SPAG17: variants seen among roughly 807,000 people sequenced by gnomAD.
SPAG17 encodes sperm-associated antigen 17.
A neutral mutation model predicts 273.6 loss-of-function variants in SPAG17; 169 were observed. The observed-to-expected ratio is 0.62, with a 90% confidence interval of 0.55 to 0.70. The LOEUF is 0.70. Among genes scored for constraint, SPAG17 ranks in the 30% least tolerant of loss-of-function variants. The pLI, the probability that SPAG17 is intolerant of heterozygous loss-of-function variation, is 0.00. For synonymous variants in SPAG17, 825 were observed against 873.2 expected, an observed-to-expected ratio of 0.94 and a Z score of 0.97; for missense variants, 2,557 against 2,627.8, an observed-to-expected ratio of 0.97 and a Z score of 0.59.
intron 25 of SPAG17, among the ~76,000 whole-genome samples, chr1:118,030,739 G>C (rs1041421146): frequency 2.0e-5 from 3 of 152,088 alleles, no homozygotes; most frequent in African/African-American, 4.8e-5. Flanking sequence ...ATGGTTTCCA[G>C]CTTCATCCAT....
Position 117,953,937 on chromosome 1 carries a change from C to A in SPAG17, c.*113G>T. ...TCATTTGGCAAATTTCTGGTCAGTT[C>A]TTCCAGTTTCAGTGTCCTGGGATGA... On this transcript the variant is annotated 3_prime_UTR_variant, in exon 49 of 49. Transcript: ENST00000336338. 1 of 1,339,584 alleles carries A rather than the reference C, an allele frequency of 7.5e-7. No individual in the cohort carries two copies. Among genetic ancestry groups the A allele is most frequent in the Admixed American group, 2.2e-5 (1 of 44,820 alleles). 83.0% of individuals were successfully genotyped at this position (1,339,584 alleles called of 1,614,324 possible).
At chr1:118,118,239 A>C (rs1657205985) in intron 3 of SPAG17, among the ~76,000 whole-genome samples, 1 of 152,220 alleles carries the variant, frequency 6.6e-6, no homozygotes, top group African/African-American at 2.4e-5. Flanking sequence ...AATTAAAAGA[A>C]TAAATCTCCA....
At chr1:118,162,402 A>T (rs912597991) in intron 1 of SPAG17, among the ~76,000 whole-genome samples, 1 of 152,212 alleles carries the variant, frequency 6.6e-6, no homozygotes, top group Non-Finnish European at 1.5e-5. Context: ...TACTTAGAGC[A>T]GAAAGTCCTT....
chr1:117,959,216 A>G (rs2101324764), intron 48 of SPAG17: 2 of 1,512,854 alleles, frequency 1.3e-6, no homozygotes, highest in Non-Finnish European at 8.9e-7. Flanking sequence ...AGCTTTGGTT[A>G]CCCTAACTCT....
At chr1:117,959,330 CAA>C in intron 48 of SPAG17, 3 of 1,613,690 alleles carry the variant, frequency 1.9e-6, no homozygotes, top group Non-Finnish European at 2.5e-6. Flanking sequence ...TTGATTATCT[CAA>C]GAGGGAATGC....
At chr1:117,992,722 T>A in intron 35 of SPAG17, 74 bp from the exon 36 acceptor site, 1 of 1,278,842 alleles carries the variant, frequency 7.8e-7, no homozygotes, top group Non-Finnish European at 1.0e-6. Context: ...TTTTAACTGT[T>A]CATTTATTAC....
chr1:118,148,315 A>G (rs911346444), intron 3 of SPAG17, among the ~76,000 whole-genome samples: 3 of 152,206 alleles, frequency 2.0e-5, no homozygotes, highest in African/African-American at 7.2e-5. Flanking sequence ...AAGTTGGTGC[A>G]GATCCAAACA....
In SPAG17 at chr1:118,048,778, T is replaced by A. The variant is rs557006626; in HGVS notation, c.2814+5224A>T. Among the ~76,000 whole-genome samples the A allele has an allele frequency of 8.2e-4, 124 of 151,902 alleles. 4 individuals carry two copies. In the South Asian group the frequency reaches 0.025, roughly 30 times the overall value. ...AGGCATGGTGGTGTATGCCTGTAGT[T>A]CCAGCTACTCGGGAGGCTGAGGCAC... On this transcript the variant is annotated intron_variant, in intron 20 of 48. Coordinates refer to ENST00000336338, the MANE Select transcript of SPAG17 (RefSeq NM_206996.4).
intron 3 of SPAG17, among the ~76,000 whole-genome samples, chr1:118,133,806 C>A (rs957267976): frequency 6.6e-6 from 1 of 152,138 alleles, no homozygotes; most frequent in Non-Finnish European, 1.5e-5. Flanking sequence ...CACCTAATAT[C>A]TGTTGTGAAA....
intron 45 of SPAG17, 92 bp from the exon 46 acceptor site, chr1:117,970,208 A>C: frequency 7.8e-7 from 1 of 1,282,182 alleles, no homozygotes; most frequent in South Asian, 1.4e-5. Context: ...GGAAGGTGTT[A>C]ATATTTGCTA....
At chr1:117,997,566 TA>T (rs11428560) in intron 32 of SPAG17, among the ~76,000 whole-genome samples, 10,133 of 123,288 alleles carry the variant, frequency 0.082, 623 homozygotes, top group East Asian at 0.42. Context: ...GAATGAGAAG[TA>T]AAAAAAAAAA....
chr1:118,148,330 G>C (rs1421913430), intron 3 of SPAG17, among the ~76,000 whole-genome samples: 2 of 152,134 alleles, frequency 1.3e-5, no homozygotes, highest in African/African-American at 2.4e-5. Context: ...CAAACACTGA[G>C]CAACAGCAAG....
chr1:118,043,184 T>G (rs1047635333), intron 20 of SPAG17, among the ~76,000 whole-genome samples: 1 of 152,180 alleles, frequency 6.6e-6, no homozygotes, highest in Admixed American at 6.5e-5. Flanking sequence ...AAAGTGAGTT[T>G]GAAAGACTTC....
intron 30 of SPAG17, among the ~76,000 whole-genome samples, chr1:118,011,680 T>C (rs546326990): frequency 1.3e-5 from 2 of 152,234 alleles, no homozygotes; most frequent in South Asian, 4.2e-4. Flanking sequence ...AATTTGGCTA[T>C]ATTACAAACC....
At chr1:118,088,737 A>G (rs141911209) in intron 10 of SPAG17, among the ~76,000 whole-genome samples, 203 of 152,354 alleles carry the variant, frequency 1.3e-3, no homozygotes, top group African/African-American at 4.7e-3. Context: ...CAAAACTTCA[A>G]TAGCAGACTG....
chr1:117,991,197 T>C (rs930041961), intron 37 of SPAG17, among the ~76,000 whole-genome samples: 2 of 152,234 alleles, frequency 1.3e-5, no homozygotes, highest in African/African-American at 4.8e-5. Flanking sequence ...AATAAAAGTT[T>C]CATTTAAGGG....
At chr1:118,093,510 T>C (rs1019085811) in intron 7 of SPAG17, among the ~76,000 whole-genome samples, 193 bp from the exon 8 acceptor site, 1 of 152,212 alleles carries the variant, frequency 6.6e-6, no homozygotes, top group African/African-American at 2.4e-5. Context: ...CTTCTTTGTT[T>C]ACCGCAATAT....
chr1:118,038,176 G>C (rs1390992919), intron 23 of SPAG17, among the ~76,000 whole-genome samples: 1 of 152,172 alleles, frequency 6.6e-6, no homozygotes, highest in Non-Finnish European at 1.5e-5. Context: ...ATAAGCATAT[G>C]AAAAGATGTT....
At chr1:118,014,069 G>C (rs1487890993) in intron 29 of SPAG17, among the ~76,000 whole-genome samples, 1 of 152,114 alleles carries the variant, frequency 6.6e-6, no homozygotes, top group Admixed American at 6.6e-5. Flanking sequence ...TTGAGATCTG[G>C]GACACAGTGT....
Sources: gnomAD v4.1 joint callset for allele counts (sites outside exome capture counted in the v4.1 genomes callset) on GRCh38, gnomAD v4.1.1 for gene constraint, MANE v1.5 for transcripts, NCBI Gene and HGNC (gene_info 2026-07-23, HGNC 2026-07-21) for gene names.